The following CAMTA1 variants were observed in gnomAD, a reference collection of about 807,000 sequenced individuals.
CAMTA1 encodes the protein calmodulin binding transcription activator 1, also known as calmodulin-binding transcription activator 1.
A neutral mutation model predicts 170.9 loss-of-function variants in CAMTA1; 27 were observed. The observed-to-expected ratio is 0.16, with a 90% CI of 0.12 to 0.22. The LOEUF (loss-of-function observed/expected upper bound fraction) is 0.22, where lower values mean the gene tolerates loss of function less well. CAMTA1 is among the 10% of genes least tolerant of loss of function. The pLI is 1.00. For missense variants in CAMTA1, 1,619 were observed against 2,217.2 expected, an observed-to-expected ratio of 0.73 and a Z score of 5.42; for synonymous variants, 833 against 891.5, an observed-to-expected ratio of 0.93 and a Z score of 1.17.
rs1189019288 is a variant in CAMTA1, at chr1:7,640,152, G to A, written c.511-248G>A. Among the ~76,000 whole-genome samples, 9 of 152,272 alleles carry A rather than the reference G, an allele frequency of 5.9e-5. No homozygotes were observed. The South Asian group carries it at 1.9e-3, about 32-fold the overall frequency. On this transcript the variant is annotated intron_variant, in intron 6 of 22. Transcript: ENST00000303635. The stretch of plus-strand genomic sequence containing the variant: ...GCAATGTCTGAAGACTTCTCCAGGG[G>A]TCACAGCCGGAGGGGGAGGGGCCTA...
At chr1:7,081,806 A>T (rs1640048041) in intron 3 of CAMTA1, among the ~76,000 whole-genome samples, 1 of 152,090 alleles carries the variant, frequency 6.6e-6, no homozygotes, top group Non-Finnish European at 1.5e-5. Context: ...TTTTCAAGAG[A>T]AGCTGGAAAT....
At chr1:7,708,969 C>T (rs1006777437) in intron 11 of CAMTA1, among the ~76,000 whole-genome samples, 2 of 152,086 alleles carry the variant, frequency 1.3e-5, no homozygotes, top group East Asian at 3.9e-4. Flanking sequence ...CGTGTTTCAC[C>T]TGACTTTCAC....
intron 4 of CAMTA1, among the ~76,000 whole-genome samples, chr1:7,123,392 G>A (rs564234118): frequency 1.4e-4 from 22 of 152,144 alleles, no homozygotes; most frequent in African/African-American, 3.6e-4. Context: ...TAATGATCTC[G>A]TCTTGTCTTG....
At chr1:7,670,645 G>A (rs904373183) in intron 9 of CAMTA1, among the ~76,000 whole-genome samples, 1 of 152,090 alleles carries the variant, frequency 6.6e-6, no homozygotes, top group African/African-American at 2.4e-5. Context: ...ACAAAAGGGA[G>A]AAGGTCAGGG....
chr1:7,039,671 A>G (rs1704132610), intron 3 of CAMTA1, among the ~76,000 whole-genome samples: 1 of 152,182 alleles, frequency 6.6e-6, no homozygotes, highest in African/African-American at 2.4e-5. Context: ...TCTGAAACCA[A>G]AGTTCTAAAA....
At chr1:6,948,433 T>C (rs1256007280) in intron 3 of CAMTA1, among the ~76,000 whole-genome samples, 2 of 152,240 alleles carry the variant, frequency 1.3e-5, no homozygotes, top group Admixed American at 6.5e-5. Context: ...ATGACAGCAC[T>C]TGTACATTCC....
chr1:7,640,696 T>A, intron 7 of CAMTA1, 143 bp downstream of exon 7: 1 of 972,564 alleles, frequency 1.0e-6, no homozygotes, highest in Non-Finnish European at 1.6e-6. Context: ...ACCGTGAGCT[T>A]AGCTTTTGCC....
chr1:7,587,527 TC>T (rs879757059), intron 6 of CAMTA1, among the ~76,000 whole-genome samples: 2 of 152,140 alleles, frequency 1.3e-5, no homozygotes, highest in African/African-American at 2.4e-5. Context: ...ATGATATGTT[TC>T]TAAATTATAC....
intron 4 of CAMTA1, among the ~76,000 whole-genome samples, chr1:7,193,631 T>G (rs763142173): frequency 2.6e-5 from 4 of 152,060 alleles, no homozygotes; most frequent in Non-Finnish European, 4.4e-5. Context: ...GTCCTTCCAC[T>G]CATGTGCCCA....
intron 3 of CAMTA1, among the ~76,000 whole-genome samples, chr1:7,081,425 TGAC>T: frequency 6.6e-6 from 1 of 152,322 alleles, no homozygotes; most frequent in Middle Eastern, 3.4e-3. Flanking sequence ...AATAATAAAC[TGAC>T]GACTGGAACA....
chr1:7,637,392 A>T lies in CAMTA1; in HGVS notation c.511-3008A>T, dbSNP rs534405995. Among the ~76,000 whole-genome samples the T allele has an allele frequency of 2.6e-5, 4 of 152,328 alleles. No individual in the cohort carries two copies. In the East Asian group the frequency reaches 7.7e-4, roughly 29 times the overall value. ...CCTTTGATCTTTACTCATCTTGCTC[A>T]GCAGCTGGCATTGCTGCCTGGCCGT... On this transcript the variant is annotated intron_variant, in intron 6 of 22. Transcript: ENST00000303635.
At chr1:6,959,339 C>G (rs1689989310) in intron 3 of CAMTA1, among the ~76,000 whole-genome samples, 1 of 152,154 alleles carries the variant, frequency 6.6e-6, no homozygotes, top group African/African-American at 2.4e-5. Context: ...CCATAGGACA[C>G]GGGGACACTG....
chr1:6,845,703 T>C (rs1462060086), intron 3 of CAMTA1, among the ~76,000 whole-genome samples: 1 of 152,226 alleles, frequency 6.6e-6, no homozygotes, highest in African/African-American at 2.4e-5. Flanking sequence ...TGTATCTATG[T>C]TACTCTACAC....
At chr1:6,847,607 C>T (rs920028923) in intron 3 of CAMTA1, among the ~76,000 whole-genome samples, 25 of 149,738 alleles carry the variant, frequency 1.7e-4, no homozygotes, top group Middle Eastern at 3.4e-3. Context: ...GGTGTGATTT[C>T]GGCTGACTGC....
intron 3 of CAMTA1, among the ~76,000 whole-genome samples, chr1:6,825,452 A>G (rs1322928036): frequency 1.3e-5 from 2 of 152,154 alleles, no homozygotes. Flanking sequence ...AAGTAGCATG[A>G]GTTTCTGTCT....
At chr1:7,567,295 C>G (rs1042743276) in intron 6 of CAMTA1, among the ~76,000 whole-genome samples, 1 of 152,166 alleles carries the variant, frequency 6.6e-6, no homozygotes, top group African/African-American at 2.4e-5. Flanking sequence ...TGATGAGGAC[C>G]AGGGCAGGCA....
At chr1:7,587,942 C>T (rs76138896) in intron 6 of CAMTA1, among the ~76,000 whole-genome samples, 1,769 of 152,276 alleles carry the variant, frequency 0.012, 42 homozygotes, top group African/African-American at 0.04. Context: ...GAACCCGCCT[C>T]CCTCGGCCCA....
At chr1:7,479,246 G>A (rs1193187) in intron 6 of CAMTA1, among the ~76,000 whole-genome samples, 90,324 of 152,068 alleles carry the variant, frequency 0.59, 27,713 homozygotes, top group African/African-American at 0.75. Context: ...CACCTGCTTC[G>A]GACTCCTGGC....
At chr1:7,103,967 A>C (rs564786985) in intron 4 of CAMTA1, among the ~76,000 whole-genome samples, 1 of 151,842 alleles carries the variant, frequency 6.6e-6, no homozygotes, top group East Asian at 1.9e-4. Context: ...ACAACTACAC[A>C]CACGCACACA....
Sources: gnomAD v4.1 joint callset for allele counts (sites outside exome capture counted in the v4.1 genomes callset) on GRCh38, gnomAD v4.1.1 for gene constraint, MANE v1.5 for transcripts, NCBI Gene and HGNC (gene_info 2026-07-23, HGNC 2026-07-21) for gene names.